The following LRP8 variants were observed in gnomAD, a reference collection of about 807,000 sequenced individuals.
LRP8 encodes LDL receptor related protein 8.
A neutral mutation model predicts 111.6 loss-of-function variants in LRP8; 46 were observed. The ratio of observed to expected loss-of-function variants is 0.41; its 90% CI spans 0.33 to 0.53. LRP8 has a LOEUF of 0.53. Among genes scored for constraint, LRP8 ranks in the 20% least tolerant of loss-of-function variants. LRP8 has a pLI of 0.20. For synonymous variants in LRP8, 464 were observed against 511.2 expected, an observed-to-expected ratio of 0.91 and a Z score of 1.24; for missense variants, 959 against 1,297.4, an observed-to-expected ratio of 0.74 and a Z score of 4.01.
chr1:53,262,131 G>A lies in LRP8; in HGVS notation c.1851C>T (p.Asn617=). The A allele has an allele frequency of 6.2e-7, 1 of 1,614,160 alleles. No individual in the cohort carries two copies. The highest frequency in any genetic ancestry group is 8.5e-7 in the Non-Finnish European group (1 of 1,180,040). ...CAGTGGAGGAGATCAGCGTCTTTCT[G>A]TTGCCTCCACTGAAGTCAATGCTGG... The part of the protein sequence containing the change: ...QLSSIDFSGG[N]RKTLISSTDF... The change falls in exon 12 of 19, where the codon AAC becomes AAT. Residue 617 remains asparagine (N), a synonymous_variant. Transcript: ENST00000306052. The surrounding 1 kb of genome is among the most constrained non-coding windows in gnomAD (Gnocchi z 4.8).
At chr1:53,282,399 A>C (rs564304791) in intron 3 of LRP8, among the ~76,000 whole-genome samples, 2 of 152,300 alleles carry the variant, frequency 1.3e-5, no homozygotes, top group East Asian at 3.8e-4. Flanking sequence ...TGAGCTCTGG[A>C]AAGTACTAAC....
At chr1:53,325,815 G>T (rs1326306127) in intron 2 of LRP8, among the ~76,000 whole-genome samples, 1 of 152,378 alleles carries the variant, frequency 6.6e-6, no homozygotes, top group East Asian at 1.9e-4. Flanking sequence ...CTGTCTTGGA[G>T]GGCGCCCCAG....
rs767295897 is a variant in LRP8, at chr1:53,247,026, G to A, written c.2884C>T (p.Leu962=). 1 of 1,604,872 alleles carries A rather than the reference G, an allele frequency of 6.2e-7. No homozygotes were observed. Among genetic ancestry groups the A allele is most frequent in the Non-Finnish European group, 8.5e-7 (1 of 1,176,474 alleles). ...RVALSLEDDG[L]P ...AGGGGGTGATCCCATCCTCAGGGTA[G>A]TCCATCATCTTCAAGGCTTAATGCC... The change falls in exon 19 of 19, where the codon CTA becomes TTA. Residue 962 remains leucine (L), a synonymous_variant. Transcript: ENST00000306052.
Position 53,293,642 on chromosome 1 carries a change from T to C in LRP8, c.245-3953A>G, listed in dbSNP as rs1244318992. Among the ~76,000 whole-genome samples the C allele has an allele frequency of 6.6e-6, 1 of 152,194 alleles. No homozygotes were observed. Among genetic ancestry groups the C allele is most frequent in the Admixed American group, 6.5e-5 (1 of 15,292 alleles). On this transcript the variant is annotated intron_variant, in intron 2 of 18. Coordinates refer to ENST00000306052, the MANE Select transcript of LRP8 (RefSeq NM_004631.5). This position sits in a 1 kb window ranked among gnomAD's most constrained non-coding sequence, Gnocchi z 4.9. ...ATGAGGACCCCAGAGAGTCCTCAAA[T>C]GTACTGAAACATCTCTCAGGTCTCC... is the stretch of plus-strand genomic sequence containing the variant.
Position 53,266,581 on chromosome 1 carries a change from C to G in LRP8, c.1319G>C (p.Arg440Pro), listed in dbSNP as rs759807451. Residue 440 changes from arginine to proline, a missense_variant, in exon 9 of 19, where the codon CGG becomes CCG. By Grantham distance (103) the Arg-to-Pro change is moderately radical. This residue lies in a region of LRP8 where 819 missense variants were observed against 1,097.6 expected (regional missense o/e 0.75). Transcript: ENST00000306052. This position sits in a 1 kb window ranked among gnomAD's most constrained non-coding sequence, Gnocchi z 5.0. The part of the protein sequence containing the change: ...HEVRRIDLVK[R>P]NYSRLIPMLK... Reference sequence around the variant, plus strand: ...CATGGGGATGAGGCGTGAATAGTTCCGCTTCACCAGGTCGATCCTCCGCAC... The same window carrying G: ...CATGGGGATGAGGCGTGAATAGTTCGGCTTCACCAGGTCGATCCTCCGCAC... 2 of 1,614,150 alleles carry G rather than the reference C, an allele frequency of 1.2e-6. No homozygotes were observed. Among genetic ancestry groups the G allele is most frequent in the Non-Finnish European group, 8.5e-7 (1 of 1,180,032 alleles).
At chr1:53,277,665 C>G (rs1646970995) in intron 4 of LRP8, among the ~76,000 whole-genome samples, 1 of 152,218 alleles carries the variant, frequency 6.6e-6, no homozygotes, top group Non-Finnish European at 1.5e-5. Context: ...TGCTGGGAAC[C>G]TACTTCTTGC....
At chr1:53,280,740 A>G in intron 3 of LRP8, 25 bp from the exon 4 acceptor site, 2 of 1,607,892 alleles carry the variant, frequency 1.2e-6, no homozygotes. Context: ...GTCCATGCAT[A>G]GCTTAGCCAA....
intron 2 of LRP8, among the ~76,000 whole-genome samples, chr1:53,318,860 T>C (rs1052594214): frequency 6.6e-6 from 1 of 152,220 alleles, no homozygotes; most frequent in Non-Finnish European, 1.5e-5. Context: ...GCTATGCTGC[T>C]TACATAGTGG....
intron 10 of LRP8, among the ~76,000 whole-genome samples, chr1:53,263,562 A>T (rs569343940): frequency 6.6e-6 from 1 of 152,194 alleles, no homozygotes; most frequent in Non-Finnish European, 1.5e-5. Flanking sequence ...GAGCAGGGCA[A>T]CCTAGGTGGT....
At chr1:53,259,753 G>C (rs1479882699) in intron 13 of LRP8, among the ~76,000 whole-genome samples, 1 of 152,136 alleles carries the variant, frequency 6.6e-6, no homozygotes, top group East Asian at 1.9e-4. Flanking sequence ...ACTAGAGATA[G>C]AACTTAAATT....
intron 2 of LRP8, among the ~76,000 whole-genome samples, chr1:53,296,246 C>T (rs111747896): frequency 2.4e-4 from 37 of 152,318 alleles, no homozygotes; most frequent in Admixed American, 9.2e-4. Flanking sequence ...GGCAGAGCAG[C>T]GACCCCTAAG....
chr1:53,259,674 T>C (rs1200046028), intron 13 of LRP8, among the ~76,000 whole-genome samples: 1 of 152,060 alleles, frequency 6.6e-6, no homozygotes, highest in Non-Finnish European at 1.5e-5. Context: ...CTGGAGCTCC[T>C]GTGCTCAAGG....
chr1:53,277,737 C>T (rs1646973081), intron 4 of LRP8, among the ~76,000 whole-genome samples: 1 of 152,206 alleles, frequency 6.6e-6, no homozygotes, highest in South Asian at 2.1e-4. Flanking sequence ...CCACCTCTTC[C>T]ATGACACCCT....
intron 2 of LRP8, among the ~76,000 whole-genome samples, chr1:53,312,714 A>G (rs761972562): frequency 6.6e-6 from 1 of 151,912 alleles, no homozygotes; most frequent in Non-Finnish European, 1.5e-5. Flanking sequence ...TCCACAAGGG[A>G]TGGGGAGGAC....
Position 53,264,350 on chromosome 1 carries a change from T to C in LRP8, c.1474A>G (p.Ile492Val). 1 of 1,614,102 alleles carries C rather than the reference T, an allele frequency of 6.2e-7. No homozygotes were observed. The highest frequency in any genetic ancestry group is 8.5e-7 in the Non-Finnish European group (1 of 1,179,986). ...ASDPKEQEVL[I>V]DEQLHSPEGL... ...TCTGGAGAGTGCAACTGCTCGTCAA[T>C]GAGGACCTCCTGCTCTTTCGGGTCA... The change falls in exon 10 of 19, where the codon ATT (isoleucine) becomes GTT (valine). Residue 492 changes from isoleucine to valine, a missense_variant. Coordinates refer to ENST00000306052, the MANE Select transcript of LRP8 (RefSeq NM_004631.5).
intron 2 of LRP8, among the ~76,000 whole-genome samples, chr1:53,312,499 T>C (rs1038831084): frequency 9.9e-5 from 15 of 151,580 alleles, no homozygotes; most frequent in African/African-American, 3.6e-4. Flanking sequence ...CAAGTAGCTA[T>C]AGGCATGGAC....
At chr1:53,291,682 T>TA (rs1557817348) in intron 2 of LRP8, 1 of 152,208 alleles carries the variant, frequency 6.6e-6, no homozygotes, top group Non-Finnish European at 1.5e-5. Context: ...AAGGGCCAGA[T>TA]AGTAGCTATT....
intron 2 of LRP8, among the ~76,000 whole-genome samples, chr1:53,296,540 G>T (rs118166983): frequency 6.6e-6 from 1 of 152,230 alleles, no homozygotes; most frequent in Non-Finnish European, 1.5e-5. Context: ...ATGCCCCAGC[G>T]TTGCCAAGAC....
At position 53,279,660 on chromosome 1, in the gene LRP8, A is replaced by C. The variant is rs1647041258; in HGVS notation, c.496+927T>G. 6.6e-6 allele frequency among the ~76,000 whole-genome samples: 1 copy of C among 152,212 alleles called. No individual in the cohort carries two copies. The highest frequency in any genetic ancestry group is 1.5e-5 in the Non-Finnish European group (1 of 68,036). On this transcript the variant is annotated intron_variant, in intron 4 of 18. Coordinates refer to ENST00000306052, the MANE Select transcript of LRP8 (RefSeq NM_004631.5). The surrounding 1 kb of genome is among the most constrained non-coding windows in gnomAD (Gnocchi z 4.4). Reference sequence around the variant, plus strand: ...ATTTTCCCTGGGCCAGGAAAGATGGATAGGATGCAAATATAGAGGCTGGCA... The same window carrying C: ...ATTTTCCCTGGGCCAGGAAAGATGGCTAGGATGCAAATATAGAGGCTGGCA...
Sources: allele counts gnomAD v4.1 joint callset (sites outside exome capture counted in the v4.1 genomes callset), GRCh38; gene constraint gnomAD v4.1.1; regional missense constraint gnomAD v4.1.1; non-coding constraint Gnocchi (gnomAD v3.1); transcripts MANE v1.5; gene names NCBI Gene and HGNC (gene_info 2026-07-23, HGNC 2026-07-21).